Variants in NHSL1 observed in about 807,000 individuals in gnomAD.
The protein encoded by NHSL1 is NHS like 1.
NHSL1 carries 48 observed loss-of-function variants against 95.0 expected under a neutral mutation model. That is an observed-to-expected ratio of 0.51 (90% CI 0.40 to 0.64). The LOEUF (loss-of-function observed/expected upper bound fraction) is 0.64. Among genes scored for constraint, NHSL1 ranks in the 30% least tolerant of loss-of-function variants. The probability of loss-of-function intolerance (pLI) is 0.00; values close to 1 mark genes in which losing one functional copy is unlikely to be tolerated. For synonymous variants in NHSL1, 783 were observed against 833.9 expected, an observed-to-expected ratio of 0.94 and a Z score of 1.05; for missense variants, 1,971 against 2,077.7, an observed-to-expected ratio of 0.95 and a Z score of 1.00.
chr6:138,660,519 T>G (rs1785212639), intron 1 of NHSL1, among the ~76,000 whole-genome samples: 1 of 151,422 alleles, frequency 6.6e-6, no homozygotes. Context: ...TAAAGAGAGA[T>G]AAGAAATACC....
rs575795656 is a variant in NHSL1 at position 138,533,330 on chromosome 6, G to A, written c.16+12293C>T. Among the ~76,000 whole-genome samples the A allele has an allele frequency of 5.3e-5, 8 of 152,208 alleles. No individual in the cohort carries two copies. In the South Asian group the frequency reaches 1.5e-3, roughly 28 times the overall value. On this transcript the variant is annotated intron_variant, in intron 1 of 4. Coordinates refer to the NHSL1 transcript ENST00000342260. Reference sequence around the variant, plus strand: ...TGTAATCCCAGCACTTTGGGAGGCCGAGGTGGGCAAATCACTGAGGTCAGG... The same window carrying A: ...TGTAATCCCAGCACTTTGGGAGGCCAAGGTGGGCAAATCACTGAGGTCAGG...
intron 1 of NHSL1, among the ~76,000 whole-genome samples, chr6:138,540,890 A>G (rs1365144102): frequency 1.3e-5 from 2 of 152,230 alleles, no homozygotes; most frequent in Non-Finnish European, 2.9e-5. Flanking sequence ...TGGAAGACAC[A>G]TAAAGGCTGA....
intron 1 of NHSL1, among the ~76,000 whole-genome samples, chr6:138,559,066 A>G (rs1783312799): frequency 6.6e-6 from 1 of 152,144 alleles, no homozygotes; most frequent in Non-Finnish European, 1.5e-5. Flanking sequence ...AGAAAAAAAA[A>G]AAAAGAAAAC....
intron 1 of NHSL1, chr6:138,650,961 T>C (rs1277645430): frequency 5.7e-6 from 3 of 528,074 alleles, no homozygotes; most frequent in African/African-American, 3.9e-5. Flanking sequence ...TAGAGGACCT[T>C]CCTCCCCAGC....
chr6:138,483,648 T>C (rs1459170112), intron 2 of NHSL1, among the ~76,000 whole-genome samples: 1 of 152,170 alleles, frequency 6.6e-6, no homozygotes, highest in Non-Finnish European at 1.5e-5. Context: ...CCCTGTCTCC[T>C]TTACTGTGAA....
intron 1 of NHSL1, among the ~76,000 whole-genome samples, chr6:138,653,542 C>T (rs1049456640): frequency 1.3e-5 from 2 of 151,898 alleles, no homozygotes; most frequent in Non-Finnish European, 2.9e-5. Flanking sequence ...AGCCTGGCAA[C>T]AGAGCAAGAC....
At chr6:138,686,410 A>G (rs1460180183) in intron 1 of NHSL1, among the ~76,000 whole-genome samples, 2 of 152,098 alleles carry the variant, frequency 1.3e-5, no homozygotes, top group East Asian at 3.9e-4. Flanking sequence ...AGTCCAGGCT[A>G]CTAGCGAGGC....
intron 1 of NHSL1, among the ~76,000 whole-genome samples, chr6:138,580,245 G>A (rs577027424): frequency 5.3e-5 from 8 of 152,152 alleles, no homozygotes; most frequent in Middle Eastern, 3.2e-3. Flanking sequence ...GATGGGCCAG[G>A]CAGACTGATT....
In NHSL1 at chr6:138,424,024, A is replaced by G; in HGVS notation, c.*57T>C. 1.5e-6 allele frequency: 2 copies of G among 1,296,690 alleles called. No homozygotes were observed. Among genetic ancestry groups the G allele is most frequent in the Non-Finnish European group, 9.8e-7 (1 of 1,024,568 alleles). 80.3% of individuals were successfully genotyped at this position (1,296,690 alleles called of 1,614,324 possible). On this transcript the variant is annotated 3_prime_UTR_variant, in exon 8 of 8. Coordinates refer to ENST00000343505, the MANE Select transcript of NHSL1 (RefSeq NM_001144060.2). The surrounding 1 kb of genome is among the most constrained non-coding windows in gnomAD (Gnocchi z 5.9). ...GGGAAGGGCGCCTAGCAGGCTTCCT[A>G]GAGTGCTGCATTGCTCGTCTCCCCC...
chr6:138,433,327 T>A lies in NHSL1; in HGVS notation c.1018A>T (p.Arg340Trp). ...ARANIQSLEP[R>W]LGALGPAGDM... ...CCTGCAGGGCCGAGGGCACCCAGCC[T>A]CGGCTCAAGGGACTGAATGTTTGCC... Residue 340 changes from arginine (R) to tryptophan (W), a missense_variant, in exon 6 of 8, where the codon AGG becomes TGG. By Grantham distance (101) the Arg-to-Trp change is moderately radical. Transcript: ENST00000343505. The A allele has an allele frequency of 6.4e-7, 1 of 1,551,984 alleles. No individual in the cohort carries two copies. The highest frequency in any genetic ancestry group is 8.7e-7 in the Non-Finnish European group (1 of 1,147,032).
chr6:138,558,166 A>T (rs1426621607), intron 1 of NHSL1, among the ~76,000 whole-genome samples: 4 of 151,982 alleles, frequency 2.6e-5, no homozygotes, highest in African/African-American at 9.7e-5. Context: ...TCTGTTGCCC[A>T]GGCTGGAGTG....
chr6:138,516,590 T>G (rs1161810756), intron 1 of NHSL1, among the ~76,000 whole-genome samples: 1 of 151,216 alleles, frequency 6.6e-6, no homozygotes, highest in African/African-American at 2.4e-5. Context: ...AAAGTTGTTT[T>G]GTTGTTGTTG....
At chr6:138,512,804 C>A (rs952037871) in intron 1 of NHSL1, among the ~76,000 whole-genome samples, 1 of 152,156 alleles carries the variant, frequency 6.6e-6, no homozygotes, top group Non-Finnish European at 1.5e-5. Flanking sequence ...ATGCACATGG[C>A]GAGAGAAAGG....
At chr6:138,526,110 A>T (rs1263900036) in intron 1 of NHSL1, among the ~76,000 whole-genome samples, 2 of 149,900 alleles carry the variant, frequency 1.3e-5, no homozygotes, top group East Asian at 4.0e-4. Flanking sequence ...AAAAAAAAAG[A>T]AAATATTTGG....
intron 1 of NHSL1, among the ~76,000 whole-genome samples, chr6:138,656,041 G>A (rs9495185): frequency 0.03 from 4,496 of 152,258 alleles, 220 homozygotes; most frequent in African/African-American, 0.1. Context: ...CCTTCAATGG[G>A]TCCTGGACAT....
chr6:138,557,413 C>A (rs974262517), intron 1 of NHSL1, among the ~76,000 whole-genome samples: 2 of 152,128 alleles, frequency 1.3e-5, no homozygotes, highest in East Asian at 3.9e-4. Context: ...CCAGACCCCC[C>A]CACACAAGGT....
At chr6:138,656,140 G>GA (rs1346205590) in intron 1 of NHSL1, among the ~76,000 whole-genome samples, 1 of 151,712 alleles carries the variant, frequency 6.6e-6, no homozygotes, top group Non-Finnish European at 1.5e-5. Flanking sequence ...GGTCCTCGAT[G>GA]AAAGGAATGA....
intron 1 of NHSL1, among the ~76,000 whole-genome samples, chr6:138,524,468 A>C (rs1019534716): frequency 2.0e-5 from 3 of 152,136 alleles, no homozygotes; most frequent in African/African-American, 4.8e-5. Flanking sequence ...TTTGAACTTT[A>C]TATGGTTGGA....
At chr6:138,506,056 A>C (rs1780948838) in intron 1 of NHSL1, among the ~76,000 whole-genome samples, 1 of 152,214 alleles carries the variant, frequency 6.6e-6, no homozygotes, top group Admixed American at 6.5e-5. Context: ...GAAACATTGG[A>C]AAACATCACA....
Sources: gnomAD v4.1 joint callset for allele counts (sites outside exome capture counted in the v4.1 genomes callset) on GRCh38, gnomAD v4.1.1 for gene constraint, Gnocchi (gnomAD v3.1) non-coding constraint, MANE v1.5 for transcripts, NCBI Gene and HGNC (gene_info 2026-07-23, HGNC 2026-07-21) for gene names.